The following SSX1 variants were observed in gnomAD, a reference collection of about 807,000 sequenced individuals.
The protein encoded by SSX1 is SSX family member 1.
A neutral mutation model predicts 14.6 loss-of-function variants in SSX1; 58 were observed. The observed-to-expected ratio is 3.96, with a 90% CI of 3.21 to 4.93. The LOEUF is 4.93. Among genes scored for constraint, SSX1 ranks in the 30% most tolerant of loss-of-function variants. The probability of loss-of-function intolerance (pLI) is 0.00; values close to 1 mark genes in which losing one functional copy is unlikely to be tolerated. For missense variants in SSX1, 272 were observed against 143.1 expected (o/e 1.90, Z -4.60); for synonymous variants, 46 against 52.1 (o/e 0.88, Z 0.50).
Position 48,261,370 on chromosome X carries a change from C to A in SSX1, c.281-396C>A, listed in dbSNP as rs1408419664. ...GGACTAAATCATCCATGGTTCATCA[C>A]ACATTTAACAGCTTAATTCACATAC... On this transcript the variant is annotated intron_variant, in intron 4 of 7. Coordinates refer to ENST00000376919, the MANE Select transcript of SSX1 (RefSeq NM_005635.4). Among the ~76,000 whole-genome samples, 25 of 112,132 alleles carry A rather than the reference C, an allele frequency of 2.2e-4. 1 individual carries two copies. Among genetic ancestry groups the A allele is most frequent in the Non-Finnish European group, 3.4e-4 (18 of 53,229 alleles).
At chrX:48,258,686 C>G in intron 4 of SSX1, 55 bp downstream of exon 4, 1 of 950,158 alleles carries the variant, frequency 1.1e-6, no homozygotes, top group Non-Finnish European at 1.5e-6. Flanking sequence ...TGCTTTTCAG[C>G]TCAGCTACCT....
At chrX:48,260,768 A>G (rs1287254418) in intron 4 of SSX1, among the ~76,000 whole-genome samples, 3 of 94,362 alleles carry the variant, frequency 3.2e-5, no homozygotes, top group Admixed American at 1.2e-4. Context: ...AGGACAGTTA[A>G]GACAATTTTA....
At chrX:48,266,456 A>G (rs1185688496) in intron 7 of SSX1, 65 bp downstream of exon 7, 53 of 1,201,167 alleles carry the variant, frequency 4.4e-5, no homozygotes, top group Non-Finnish European at 9.0e-6. Context: ...TGGTACTGGT[A>G]TCCCATCTTG....
At position 48,257,743 on chromosome X, in the gene SSX1, T is replaced by G. The variant is rs2059587396; in HGVS notation, c.70-3T>G. 8.4e-7 allele frequency: 1 copy of G among 1,193,946 alleles called. No individual in the cohort carries two copies. ...CTGACAAATTTTATTTTATTTTTTT[T>G]AGGCCTTTGATGATATTGCCACATA... On this transcript the variant is annotated splice_polypyrimidine_tract_variant and splice_region_variant and intron_variant, in intron 2 of 7. Transcript: ENST00000376919.
rs782077393 is a variant in SSX1 at position 48,257,316 on chromosome X, G to A, written c.69+6G>A. 40 of 1,207,796 alleles carry A rather than the reference G, an allele frequency of 3.3e-5. No individual in the cohort carries two copies. The highest frequency in any genetic ancestry group is 8.8e-5 in the South Asian group (5 of 56,627). ...CATCAGAGAAGAGAAGCAAGGTGAC[G>A]TGACCTGGAGGGGGCAGAGCAGTGG... is the stretch of plus-strand genomic sequence containing the variant. On this transcript the variant is annotated splice_donor_region_variant and intron_variant, in intron 2 of 7. Coordinates refer to ENST00000376919, the MANE Select transcript of SSX1 (RefSeq NM_005635.4).
At chrX:48,256,810 C>T (rs1422192178) in intron 1 of SSX1, among the ~76,000 whole-genome samples, 1 of 110,085 alleles carries the variant, frequency 9.1e-6, no homozygotes, top group African/African-American at 3.3e-5. Flanking sequence ...AGAAAGACCA[C>T]GTTATGTCTG....
chrX:48,258,954 T>C (rs782267508), intron 4 of SSX1, among the ~76,000 whole-genome samples: 1 of 110,744 alleles, frequency 9.0e-6, no homozygotes, highest in East Asian at 2.8e-4. Context: ...ACAGACAGCT[T>C]CAGTCATGAC....
intron 6 of SSX1, among the ~76,000 whole-genome samples, chrX:48,264,495 T>C (rs1377497414): frequency 1.8e-5 from 2 of 112,774 alleles, no homozygotes; most frequent in Non-Finnish European, 1.9e-5. Flanking sequence ...TAAAATAATT[T>C]ATTGTTAAAA....
intron 1 of SSX1, among the ~76,000 whole-genome samples, chrX:48,256,908 C>T (rs1449518975): frequency 9.1e-6 from 1 of 109,964 alleles, no homozygotes; most frequent in Non-Finnish European, 1.9e-5. Context: ...CCTGCCTCCC[C>T]AGCAAGGGTC....
chrX:48,265,695 A>C (rs1258001030), intron 6 of SSX1, among the ~76,000 whole-genome samples: 1 of 111,548 alleles, frequency 9.0e-6, no homozygotes, highest in Non-Finnish European at 1.9e-5. Flanking sequence ...TGGGATGGAT[A>C]CCCTATTTTC....
chrX:48,265,152 T>C (rs1310792130), intron 6 of SSX1, among the ~76,000 whole-genome samples: 1 of 112,495 alleles, frequency 8.9e-6, no homozygotes, highest in Non-Finnish European at 1.9e-5. Context: ...TGTTTTGCTT[T>C]CTTATTCTTG....
intron 1 of SSX1, among the ~76,000 whole-genome samples, chrX:48,256,381 C>G (rs2059581360): frequency 9.3e-6 from 1 of 107,075 alleles, no homozygotes; most frequent in African/African-American, 3.4e-5. Flanking sequence ...CTCAAGCGAT[C>G]CGCCCCCCCT....
At chrX:48,261,702 G>T in intron 4 of SSX1, 64 bp from the exon 5 acceptor site, 1 of 1,148,253 alleles carries the variant, frequency 8.7e-7, no homozygotes, top group Non-Finnish European at 1.2e-6. Context: ...TCATGCAACG[G>T]AAGTCTCTCC....
At chrX:48,255,521 G>T (rs1399413437) in intron 1 of SSX1, 89 bp downstream of exon 1, 5 of 109,670 alleles carry the variant, frequency 4.6e-5, no homozygotes, top group African/African-American at 1.7e-4. Context: ...AGTGCTTGGG[G>T]TTCCGAAAAT....
intron 1 of SSX1, 90 bp from the exon 2 acceptor site, chrX:48,257,132 G>A (rs1286743963): frequency 4.8e-6 from 4 of 832,147 alleles, no homozygotes; most frequent in African/African-American, 2.0e-5. Flanking sequence ...CTAATTCCAG[G>A]TGACTGAGTG....
intron 6 of SSX1, among the ~76,000 whole-genome samples, chrX:48,265,544 C>T (rs1368841098): frequency 2.0e-5 from 1 of 50,341 alleles, no homozygotes; most frequent in Non-Finnish European, 5.2e-5. Flanking sequence ...CGTTCGTTAT[C>T]TTCTCTAGGT....
In SSX1 at chrX:48,257,772, C is replaced by G. The variant is rs138324889; in HGVS notation, c.96C>G (p.Phe32Leu). The G allele has an allele frequency of 1.2e-5, 14 of 1,206,585 alleles. No individual in the cohort carries two copies. In the South Asian group the frequency reaches 1.6e-4, roughly 14 times the overall value. ...SKAFDDIATY[F>L]SKKEWKKMKY... The stretch of plus-strand genomic sequence containing the variant: ...CCTTTGATGATATTGCCACATACTT[C>G]TCTAAGAAAGAGTGGAAAAAGATGA... The change falls in exon 3 of 8, where the codon TTC becomes TTG. Residue 32 changes from phenylalanine to leucine, a missense_variant. Phe to Leu is a conservative substitution (Grantham distance 22). Coordinates refer to ENST00000376919, the MANE Select transcript of SSX1 (RefSeq NM_005635.4).
At position 48,259,091 on chromosome X, in the gene SSX1, G is replaced by A. The variant is rs184224369; in HGVS notation, c.280+460G>A. Among the ~76,000 whole-genome samples, 3 of 111,361 alleles carry A rather than the reference G, an allele frequency of 2.7e-5. No individual in the cohort carries two copies. In the Admixed American group the frequency reaches 2.9e-4, roughly 11 times the overall value. On this transcript the variant is annotated intron_variant, in intron 4 of 7. Transcript: ENST00000376919. ...AGCCCACTACAACCTCTGCCTCCCG[G>A]GTTCAAACGATTCTCCTGCCTCAGC...
chrX:48,260,721 C>G (rs2059601128), intron 4 of SSX1, among the ~76,000 whole-genome samples: 1 of 110,787 alleles, frequency 9.0e-6, no homozygotes, highest in African/African-American at 3.3e-5. Context: ...ACACCAACAA[C>G]AGACAAACAG....
Sources: gnomAD v4.1 joint callset for allele counts (sites outside exome capture counted in the v4.1 genomes callset) on GRCh38, gnomAD v4.1.1 for gene constraint, MANE v1.5 for transcripts, NCBI Gene and HGNC (gene_info 2026-07-23, HGNC 2026-07-21) for gene names.